DLG2: variants seen among roughly 807,000 people sequenced by gnomAD.
DLG2 encodes the protein disks large homolog 2.
Under a neutral mutation model 132.5 loss-of-function variants are expected in DLG2, and 45 were observed. That is an observed-to-expected ratio of 0.34 (90% confidence interval 0.27 to 0.44). The LOEUF is 0.44. DLG2 is among the 20% of genes least tolerant of loss of function. The pLI is 1.00. For synonymous variants in DLG2, 424 were observed against 419.6 expected, an observed-to-expected ratio of 1.01 and a Z score of -0.13; for missense variants, 1,045 against 1,196.9, an observed-to-expected ratio of 0.87 and a Z score of 1.87.
At chr11:85,440,186 C>A (rs959721482) in intron 3 of DLG2, among the ~76,000 whole-genome samples, 2 of 152,122 alleles carry the variant, frequency 1.3e-5, no homozygotes, top group African/African-American at 4.8e-5. Flanking sequence ...TAATTATTAA[C>A]CATTATCATT....
chr11:84,556,400 T>C (rs557200124), intron 6 of DLG2, among the ~76,000 whole-genome samples: 3 of 152,318 alleles, frequency 2.0e-5, no homozygotes, highest in African/African-American at 7.2e-5. Context: ...TTTTGGCTCA[T>C]AGCAACAACC....
intron 18 of DLG2, among the ~76,000 whole-genome samples, chr11:83,779,077 T>A (rs2094703034): frequency 6.6e-6 from 1 of 152,140 alleles, no homozygotes; most frequent in Non-Finnish European, 1.5e-5. Context: ...TTCCTAATAT[T>A]TCAGTACAAA....
chr11:84,037,038 T>G (rs1186928134), intron 11 of DLG2, among the ~76,000 whole-genome samples: 1 of 152,160 alleles, frequency 6.6e-6, no homozygotes, highest in Non-Finnish European at 1.5e-5. Context: ...AGTAACAATT[T>G]AGGGTAGAAA....
At chr11:84,349,984 T>C (rs2098555505) in intron 7 of DLG2, among the ~76,000 whole-genome samples, 1 of 152,052 alleles carries the variant, frequency 6.6e-6, no homozygotes, top group East Asian at 1.9e-4. Context: ...GAGACCATCC[T>C]AGCTAACACG....
At chr11:85,480,793 G>T (rs181461600) in intron 3 of DLG2, among the ~76,000 whole-genome samples, 8 of 152,202 alleles carry the variant, frequency 5.3e-5, no homozygotes, top group African/African-American at 1.4e-4. Context: ...AGCCTTTAAG[G>T]TTCTGTCTTT....
intron 4 of DLG2, among the ~76,000 whole-genome samples, chr11:85,183,660 C>G (rs1303597373): frequency 6.6e-6 from 1 of 151,856 alleles, no homozygotes; most frequent in Non-Finnish European, 1.5e-5. Flanking sequence ...CTGTTGTACC[C>G]CATTTACTGC....
chr11:84,632,979 CT>C (rs1311830741), intron 6 of DLG2, among the ~76,000 whole-genome samples: 1 of 152,172 alleles, frequency 6.6e-6, no homozygotes, highest in African/African-American at 2.4e-5. Flanking sequence ...AATTCCATAG[CT>C]TTTCTTTCTT....
chr11:84,183,131 A>T (rs139544602), intron 8 of DLG2, among the ~76,000 whole-genome samples: 2 of 152,318 alleles, frequency 1.3e-5, no homozygotes, highest in Admixed American at 1.3e-4. Flanking sequence ...CCAGGCCCAG[A>T]TGGGTTCAAA....
intron 7 of DLG2, among the ~76,000 whole-genome samples, chr11:84,333,853 G>T (rs11602775): frequency 0.11 from 16,680 of 152,152 alleles, 1,184 homozygotes; most frequent in Non-Finnish European, 0.16. Context: ...ATGCTTACAA[G>T]TGCCTGAGAA....
At chr11:85,380,257 C>A (rs748750628) in intron 3 of DLG2, among the ~76,000 whole-genome samples, 6 of 152,236 alleles carry the variant, frequency 3.9e-5, no homozygotes, top group Non-Finnish European at 5.9e-5. Flanking sequence ...CATTGAAATT[C>A]TCCCTCAATA....
intron 19 of DLG2, among the ~76,000 whole-genome samples, chr11:83,559,292 T>C (rs2096571910): frequency 1.3e-5 from 2 of 152,082 alleles, no homozygotes; most frequent in South Asian, 2.1e-4. Context: ...GAAAAGTAGA[T>C]GGAGGCCTGA....
At chr11:84,068,777 T>C (rs967485579) in intron 10 of DLG2, among the ~76,000 whole-genome samples, 1 of 152,224 alleles carries the variant, frequency 6.6e-6, no homozygotes, top group Non-Finnish European at 1.5e-5. Context: ...AAAGTTTGTA[T>C]TATATACTAT....
chr11:84,135,541 C>G (rs1411560203), intron 9 of DLG2, among the ~76,000 whole-genome samples: 4 of 152,008 alleles, frequency 2.6e-5, no homozygotes, highest in Non-Finnish European at 2.9e-5. Flanking sequence ...GACATAATAT[C>G]AAGTTCACAT....
intron 18 of DLG2, among the ~76,000 whole-genome samples, chr11:83,658,931 T>C (rs549465040): frequency 1.3e-5 from 2 of 152,292 alleles, no homozygotes; most frequent in South Asian, 2.1e-4. Context: ...TTTACAGAAG[T>C]AGACACTTGC....
At chr11:84,182,494 A>C (rs958877544) in intron 8 of DLG2, among the ~76,000 whole-genome samples, 13 of 151,928 alleles carry the variant, frequency 8.6e-5, no homozygotes, top group African/African-American at 2.9e-4. Flanking sequence ...ATGCTACTGC[A>C]CTCAAGCCTG....
At chr11:84,268,628 A>C (rs934740069) in intron 7 of DLG2, among the ~76,000 whole-genome samples, 21 of 110,810 alleles carry the variant, frequency 1.9e-4, no homozygotes, top group African/African-American at 6.7e-4. Context: ...CGCCCGGCTA[A>C]TTTTTTGTAT....
intron 17 of DLG2, among the ~76,000 whole-genome samples, chr11:83,808,581 C>T (rs2046494175): frequency 6.6e-6 from 1 of 152,192 alleles, no homozygotes; most frequent in African/African-American, 2.4e-5. Flanking sequence ...ATGTGACTAG[C>T]CCTTGCTGTT....
intron 6 of DLG2, among the ~76,000 whole-genome samples, chr11:84,721,116 G>A (rs2061784728): frequency 6.6e-6 from 1 of 152,098 alleles, no homozygotes; most frequent in African/African-American, 2.4e-5. Flanking sequence ...CCACCCGAGG[G>A]TAGAAGACCT....
intron 3 of DLG2, among the ~76,000 whole-genome samples, chr11:85,496,837 T>A (rs1204344511): frequency 6.6e-6 from 1 of 152,174 alleles, no homozygotes; most frequent in Non-Finnish European, 1.5e-5. Context: ...CTGAGAGGCC[T>A]GTCTGTTAGA....
Sources: allele counts gnomAD v4.1 joint callset (sites outside exome capture counted in the v4.1 genomes callset), GRCh38; gene constraint gnomAD v4.1.1; transcripts MANE v1.5; gene names NCBI Gene and HGNC (gene_info 2026-07-23, HGNC 2026-07-21).